The following RSBN1L variants were observed in gnomAD, a reference collection of about 807,000 sequenced individuals.
RSBN1L encodes lysine-specific demethylase RSBN1L.
RSBN1L carries 30 observed loss-of-function variants against 67.7 expected under a neutral mutation model. The observed-to-expected ratio is 0.44, with a 90% CI of 0.33 to 0.60. RSBN1L has a LOEUF of 0.60. RSBN1L is among the 20% of genes least tolerant of loss of function. The probability of loss-of-function intolerance (pLI) is 0.02; values close to 1 mark genes in which losing one functional copy is unlikely to be tolerated. For synonymous variants in RSBN1L, 433 were observed against 387.0 expected (o/e 1.12, Z -1.39); for missense variants, 992 against 1,031.7 (o/e 0.96, Z 0.53).
intron 1 of RSBN1L, among the ~76,000 whole-genome samples, chr7:77,717,718 G>A (rs191414175): frequency 4.3e-4 from 65 of 152,256 alleles, no homozygotes; most frequent in Admixed American, 9.2e-4. Flanking sequence ...TACTAAGGCA[G>A]TTAAGAAAGG....
chr7:77,719,880 T>C (rs1791093233), intron 1 of RSBN1L, among the ~76,000 whole-genome samples: 1 of 152,202 alleles, frequency 6.6e-6, no homozygotes, highest in Non-Finnish European at 1.5e-5. Flanking sequence ...TCCATCTGAC[T>C]GAGCCTTCTG....
chr7:77,776,354 C>T (rs2150435145), intron 6 of RSBN1L, among the ~76,000 whole-genome samples: 1 of 152,268 alleles, frequency 6.6e-6, no homozygotes, highest in Middle Eastern at 3.4e-3. Context: ...TATGCAACCA[C>T]CACCAAAACG....
In RSBN1L at chr7:77,781,867, C is replaced by G. The variant is rs1450186899; in HGVS notation, c.*2699C>G. The G allele has an allele frequency of 1.3e-5, 2 of 151,522 alleles. No homozygotes were observed. The highest frequency in any genetic ancestry group is 2.4e-5 in the African/African-American group (1 of 41,154). 9.4% of individuals were successfully genotyped at this position (151,522 alleles called of 1,614,324 possible). ...GGGCGTGGTGGCGTGCGCCTGTAATCCCAGCTACTTGGGAGGCTGAGGCAG... is the reference window on the plus strand; with the variant it reads ...GGGCGTGGTGGCGTGCGCCTGTAATGCCAGCTACTTGGGAGGCTGAGGCAG... On this transcript the variant is annotated 3_prime_UTR_variant, in exon 8 of 8. Coordinates refer to ENST00000334955, the MANE Select transcript of RSBN1L (RefSeq NM_198467.3).
At chr7:77,731,324 C>T (rs2150419391) in intron 1 of RSBN1L, among the ~76,000 whole-genome samples, 1 of 152,308 alleles carries the variant, frequency 6.6e-6, no homozygotes, top group South Asian at 2.1e-4. Flanking sequence ...AGTGATCCAT[C>T]TCAACCTCTC....
intron 3 of RSBN1L, 61 bp from the exon 4 acceptor site, chr7:77,765,434 A>G: frequency 3.8e-6 from 5 of 1,299,712 alleles, no homozygotes; most frequent in Non-Finnish European, 5.2e-6. Context: ...TTTTAATTAA[A>G]TCCATATTCT....
chr7:77,780,713 C>G lies in RSBN1L; in HGVS notation c.*1545C>G, dbSNP rs576165333. ...TATCTCTCAGGATCTCCTCCCTACCCTAGCAAGGCAAACAACTTGGAGTAC... is the reference window on the plus strand; with the variant it reads ...TATCTCTCAGGATCTCCTCCCTACCGTAGCAAGGCAAACAACTTGGAGTAC... On this transcript the variant is annotated 3_prime_UTR_variant, in exon 8 of 8. Coordinates refer to ENST00000334955, the MANE Select transcript of RSBN1L (RefSeq NM_198467.3). The G allele has an allele frequency of 6.6e-4, 100 of 152,308 alleles. No individual in the cohort carries two copies. The highest frequency in any genetic ancestry group is 2.3e-3 in the African/African-American group (94 of 41,556). The allele number at this position is 152,308 out of a possible 1,614,324, so 9.4% of individuals were successfully genotyped here. A position where few individuals can be genotyped will look rare whatever the true frequency, so the allele number is the denominator to read the frequency against.
At chr7:77,699,238 C>G (rs1244741851) in intron 1 of RSBN1L, among the ~76,000 whole-genome samples, 6 of 152,142 alleles carry the variant, frequency 3.9e-5, no homozygotes, top group Non-Finnish European at 5.9e-5. Flanking sequence ...ATTGAACAGT[C>G]TGAGTCAGAA....
At chr7:77,725,192 G>GAAATA (rs1427868566) in intron 1 of RSBN1L, among the ~76,000 whole-genome samples, 1 of 138,900 alleles carries the variant, frequency 7.2e-6, no homozygotes, top group Non-Finnish European at 1.5e-5. Flanking sequence ...GGAAGTAAAT[G>GAAATA]AAATAAAAAC....
At chr7:77,729,140 G>A (rs1461669147) in intron 1 of RSBN1L, among the ~76,000 whole-genome samples, 1 of 152,066 alleles carries the variant, frequency 6.6e-6, no homozygotes, top group Non-Finnish European at 1.5e-5. Flanking sequence ...GTCTTTAGCT[G>A]TTTTGCAGCT....
chr7:77,768,844 TG>T, intron 5 of RSBN1L, 41 bp downstream of exon 5: 1 of 1,588,224 alleles, frequency 6.3e-7, no homozygotes, highest in Non-Finnish European at 8.6e-7. Context: ...GATGAGTGTT[TG>T]TATGTTGGGG....
chr7:77,771,665 A>G (rs1354516047), intron 5 of RSBN1L, among the ~76,000 whole-genome samples: 7 of 151,938 alleles, frequency 4.6e-5, no homozygotes, highest in African/African-American at 1.7e-4. Flanking sequence ...GTGAACCACC[A>G]TTCCCAGCTC....
At chr7:77,742,813 G>A (rs186390611) in intron 2 of RSBN1L, among the ~76,000 whole-genome samples, 66 of 152,288 alleles carry the variant, frequency 4.3e-4, no homozygotes, top group Non-Finnish European at 8.4e-4. Flanking sequence ...ACTGCACCCT[G>A]GGCGACAGAG....
chr7:77,779,274 CAT>C lies in RSBN1L; in HGVS notation c.*108_*109del. 1.3e-6 allele frequency: 1 copy of C among 797,644 alleles called. No homozygotes were observed. The highest frequency in any genetic ancestry group is 2.0e-6 in the Non-Finnish European group (1 of 506,482). The allele number at this position is 797,644 out of a possible 1,614,324, so 49.4% of individuals were successfully genotyped here. ...ACTTGCTCCTATGTCTGTTACAAAA[CAT>C]AGTTTATGTAGCTTTGTAACATTCC... On this transcript the variant is annotated 3_prime_UTR_variant, in exon 8 of 8. Coordinates refer to ENST00000334955, the MANE Select transcript of RSBN1L (RefSeq NM_198467.3).
At position 77,743,207 on chromosome 7, in the gene RSBN1L, C is replaced by G. The variant is rs187381346; in HGVS notation, c.704-6217C>G. ...TAGCTGGGAATACAGGTATTTGCCA[C>G]CACACTCAGCTAATTTTTGTATTTT... On this transcript the variant is annotated intron_variant, in intron 2 of 7. Transcript: ENST00000334955. Among the ~76,000 whole-genome samples, 161 of 152,198 alleles carry G rather than the reference C, an allele frequency of 1.1e-3. 1 individual carries two copies. The highest frequency in any genetic ancestry group is 3.7e-3 in the African/African-American group (152 of 41,518).
chr7:77,696,566 T>G lies in RSBN1L; in HGVS notation c.97T>G (p.Ser33Ala). 1 of 1,614,018 alleles carries G rather than the reference T, an allele frequency of 6.2e-7. No homozygotes were observed. ...ACCGTTTGGCAAGCTGCAACTCTCC[T>G]CCCGGGACCCTCCGGGTTCTCTGTC... ...KEPFGKLQLS[S>A]RDPPGSLSAK... Residue 33 changes from serine to alanine, a missense_variant, in exon 1 of 8, where the codon TCC becomes GCC. Around this residue, in one of 7 missense-constraint regions of RSBN1L, gnomAD observed 575 missense variants for 483.2 expected, o/e 1.19. Transcript: ENST00000334955.
At position 77,779,701 on chromosome 7, in the gene RSBN1L, C is replaced by T. The variant is rs1030293649; in HGVS notation, c.*533C>T. 3.3e-5 allele frequency: 5 copies of T among 151,244 alleles called. No homozygotes were observed. The highest frequency in any genetic ancestry group is 1.2e-4 in the African/African-American group (5 of 40,962). 9.4% of individuals were successfully genotyped at this position (151,244 alleles called of 1,614,324 possible). ...AGTCTGTAAAGACAAACTGACAATT[C>T]ATTTAAGTCATTTGATAATGATTCT... On this transcript the variant is annotated 3_prime_UTR_variant, in exon 8 of 8. Coordinates refer to ENST00000334955, the MANE Select transcript of RSBN1L (RefSeq NM_198467.3).
intron 1 of RSBN1L, among the ~76,000 whole-genome samples, chr7:77,728,454 T>C (rs1442536908): frequency 2.0e-5 from 3 of 152,232 alleles, no homozygotes; most frequent in Non-Finnish European, 4.4e-5. Context: ...TTTACTTTCC[T>C]CTAGAGGGTT....
intron 1 of RSBN1L, among the ~76,000 whole-genome samples, chr7:77,708,186 G>A (rs962014723): frequency 2.6e-5 from 4 of 152,110 alleles, no homozygotes; most frequent in Non-Finnish European, 5.9e-5. Flanking sequence ...AAATGGAGAT[G>A]ATGGAGACAG....
At chr7:77,765,406 CATT>C (rs1791748082) in intron 3 of RSBN1L, 86 bp from the exon 4 acceptor site, 26 of 1,005,616 alleles carry the variant, frequency 2.6e-5, no homozygotes, top group Non-Finnish European at 3.5e-5. Context: ...TGATAGCAAG[CATT>C]ATCTTATGTG....
Sources: gnomAD v4.1 joint callset for allele counts (sites outside exome capture counted in the v4.1 genomes callset) on GRCh38, gnomAD v4.1.1 for gene constraint, gnomAD v4.1.1 regional missense constraint, MANE v1.5 for transcripts, NCBI Gene and HGNC (gene_info 2026-07-23, HGNC 2026-07-21) for gene names.